Variants in ARID5B observed in about 807,000 individuals in gnomAD.
The protein encoded by ARID5B is AT-rich interactive domain-containing protein 5B.
In ARID5B, 13 loss-of-function variants were observed where a neutral mutation model predicts 97.2. That is an observed-to-expected ratio of 0.13 (90% CI 0.09 to 0.21). ARID5B has a LOEUF of 0.21. Among genes scored for constraint, ARID5B ranks in the 10% least tolerant of loss-of-function variants. ARID5B has a pLI of 1.00. For missense variants in ARID5B, 1,210 were observed against 1,465.3 expected, an observed-to-expected ratio of 0.83 and a Z score of 2.84; for synonymous variants, 556 against 570.3, an observed-to-expected ratio of 0.97 and a Z score of 0.36.
rs979500094 is a variant in ARID5B at position 61,919,047 on chromosome 10, C to T, written c.276+16634C>T. Among the ~76,000 whole-genome samples the T allele has an allele frequency of 1.7e-4, 21 of 123,222 alleles. 1 individual carries two copies. The highest frequency in any genetic ancestry group is 6.2e-4 in the Admixed American group (8 of 12,812). 80.8% of individuals were successfully genotyped at this position (123,222 alleles called of 152,430 possible). A position where few individuals can be genotyped will look rare whatever the true frequency, so the allele number is the denominator to read the frequency against. On this transcript the variant is annotated intron_variant, in intron 2 of 9. Coordinates refer to ENST00000279873, the MANE Select transcript of ARID5B (RefSeq NM_032199.3). Reference sequence around the variant, plus strand: ...AGAGCCTGACTCCGTCCCCCCCCCCCCCCCCAAAAAAATAAAAGGTGCGTT... The same window carrying T: ...AGAGCCTGACTCCGTCCCCCCCCCCTCCCCCAAAAAAATAAAAGGTGCGTT...
intron 2 of ARID5B, among the ~76,000 whole-genome samples, chr10:61,917,591 G>A (rs1843933465): frequency 6.6e-6 from 1 of 152,172 alleles, no homozygotes. Flanking sequence ...CTCTTTGTGG[G>A]CCAAACAAAA....
intron 9 of ARID5B, among the ~76,000 whole-genome samples, chr10:62,090,032 G>A (rs535994302): frequency 1.3e-5 from 2 of 152,308 alleles, no homozygotes; most frequent in East Asian, 3.9e-4. Flanking sequence ...CAGTAAATGA[G>A]TCGAATTGGT....
At chr10:62,039,060 T>A (rs557782077) in intron 4 of ARID5B, among the ~76,000 whole-genome samples, 1 of 152,332 alleles carries the variant, frequency 6.6e-6, no homozygotes, top group African/African-American at 2.4e-5. Context: ...TAAGGATCCC[T>A]TTTGTGCAGA....
At chr10:62,053,479 C>T (rs1839817763) in intron 5 of ARID5B, among the ~76,000 whole-genome samples, 1 of 152,216 alleles carries the variant, frequency 6.6e-6, no homozygotes, top group Non-Finnish European at 1.5e-5. Flanking sequence ...TCCCCAAAGA[C>T]AGCAAGTGTC....
chr10:61,917,118 C>CCACTGCA, intron 2 of ARID5B, among the ~76,000 whole-genome samples: 1 of 150,520 alleles, frequency 6.6e-6, no homozygotes, highest in African/African-American at 2.5e-5. Flanking sequence ...CATGATTGCA[C>CCACTGCA]CACTGCACTC....
chr10:61,915,578 G>T (rs1242848799), intron 2 of ARID5B, among the ~76,000 whole-genome samples: 1 of 152,162 alleles, frequency 6.6e-6, no homozygotes, highest in East Asian at 1.9e-4. Flanking sequence ...GGTTAGAGAT[G>T]TCCGTTTGCC....
chr10:62,000,291 A>T lies in ARID5B; in HGVS notation c.703A>T (p.Ile235Leu), dbSNP rs201273744. 2 of 1,612,030 alleles carry T rather than the reference A, an allele frequency of 1.2e-6. No homozygotes were observed. The highest frequency in any genetic ancestry group is 2.7e-5 in the African/African-American group (2 of 74,766). Residue 235 changes from isoleucine to leucine, a missense_variant, in exon 4 of 10, where the codon ATA becomes TTA. Around this residue, in one of 8 missense-constraint regions of ARID5B, gnomAD observed 132 missense variants for 156.7 expected, o/e 0.84. Coordinates refer to ENST00000279873, the MANE Select transcript of ARID5B (RefSeq NM_032199.3). This position sits in a 1 kb window ranked among gnomAD's most constrained non-coding sequence, Gnocchi z 4.4. The stretch of plus-strand genomic sequence containing the variant: ...GGACACCTTTGACCACCCGACTCTC[A>T]TAGAAAACGAGAGTATATGCGATGA... ...CRDTFDHPTLIENESICDEFA... is the reference protein window; with the variant it reads ...CRDTFDHPTLLENESICDEFA...
intron 3 of ARID5B, among the ~76,000 whole-genome samples, chr10:61,971,508 G>T (rs1439952370): frequency 6.6e-6 from 1 of 152,216 alleles, no homozygotes; most frequent in African/African-American, 2.4e-5. Context: ...TTATCCGATG[G>T]AAATTTTCGA....
chr10:61,984,995 T>G (rs1023614470), intron 3 of ARID5B, among the ~76,000 whole-genome samples: 1 of 152,052 alleles, frequency 6.6e-6, no homozygotes, highest in Non-Finnish European at 1.5e-5. Flanking sequence ...GGGCTCATAA[T>G]AACTTCCTTA....
intron 9 of ARID5B, among the ~76,000 whole-genome samples, chr10:62,088,652 G>T (rs1159633399): frequency 6.6e-6 from 1 of 152,208 alleles, no homozygotes; most frequent in Non-Finnish European, 1.5e-5. Flanking sequence ...CCCTCTCCAA[G>T]GTTGACCTTA....
chr10:61,988,936 C>CTTTTTTTT (rs61016394), intron 3 of ARID5B, among the ~76,000 whole-genome samples: 8 of 122,258 alleles, frequency 6.5e-5, no homozygotes, highest in East Asian at 2.3e-4. Context: ...TTTTCTTTTA[C>CTTTTTTTT]TTTTTTTTTT....
chr10:62,013,794 G>GTATATATA (rs60930079), intron 4 of ARID5B, among the ~76,000 whole-genome samples: 3,612 of 138,800 alleles, frequency 0.026, 62 homozygotes, highest in African/African-American at 0.044. Context: ...ATTCCATTGG[G>GTATATATA]TATATATATA....
At chr10:61,950,067 GTGCGATCTC>G (rs1838300998) in intron 3 of ARID5B, among the ~76,000 whole-genome samples, 1 of 152,302 alleles carries the variant, frequency 6.6e-6, no homozygotes, top group East Asian at 1.9e-4. Context: ...GAGTGCAGTG[GTGCGATCTC>G]TGCAGACTGC....
chr10:62,014,443 G>A (rs1013081164), intron 4 of ARID5B, among the ~76,000 whole-genome samples: 1 of 152,190 alleles, frequency 6.6e-6, no homozygotes, highest in African/African-American at 2.4e-5. Flanking sequence ...GCGGCTGAAG[G>A]TAGGGGGTAT....
At chr10:62,001,209 G>A (rs541035172) in intron 4 of ARID5B, among the ~76,000 whole-genome samples, 2 of 152,024 alleles carry the variant, frequency 1.3e-5, no homozygotes, top group South Asian at 4.2e-4. Flanking sequence ...GAATACCCTG[G>A]GGTAGCCTTA....
intron 7 of ARID5B, among the ~76,000 whole-genome samples, chr10:62,066,460 A>G (rs935348966): frequency 1.3e-5 from 2 of 152,216 alleles, no homozygotes; most frequent in Non-Finnish European, 2.9e-5. Context: ...GTGGAAGCTC[A>G]GTAAATAGAG....
At position 62,076,098 on chromosome 10, in the gene ARID5B, G is replaced by GC. The variant is rs775381881; in HGVS notation, c.1199+6304dup. Among the ~76,000 whole-genome samples the GC allele has an allele frequency of 9.4e-4, 143 of 152,284 alleles. 2 individuals carry two copies. The highest frequency in any genetic ancestry group is 6.9e-3 in the Admixed American group (105 of 15,302). Reference sequence around the variant, plus strand: ...AGGAACAGGATGCTGCTTCCGGTGAGCCCGGGTTCAGCCTCAGAATTCTTC... The same window carrying GC: ...AGGAACAGGATGCTGCTTCCGGTGAGCCCCGGGTTCAGCCTCAGAATTCTTC... On this transcript the variant is annotated intron_variant, in intron 8 of 9. Transcript: ENST00000279873.
rs183971767 is a variant in ARID5B at position 62,083,493 on chromosome 10, C to T, written c.1200-2209C>T. The stretch of plus-strand genomic sequence containing the variant: ...TGGGGTGTCTCTCCCACCCAATTCT[C>T]TGCTTTCCCTCCTCCTCCTTCCCAC... On this transcript the variant is annotated intron_variant, in intron 8 of 9. Transcript: ENST00000279873. Among the ~76,000 whole-genome samples the T allele has an allele frequency of 4.4e-3, 674 of 152,232 alleles. 1 individual carries two copies. Among genetic ancestry groups the T allele is most frequent in the Admixed American group, 8.6e-3 (131 of 15,298 alleles).
At chr10:61,907,484 G>C (rs1178565824) in intron 2 of ARID5B, among the ~76,000 whole-genome samples, 3 of 152,192 alleles carry the variant, frequency 2.0e-5, no homozygotes, top group Non-Finnish European at 4.4e-5. Flanking sequence ...GGCCTCAACT[G>C]TGCTGGGAAT....
Sources: gnomAD v4.1 joint callset for allele counts (sites outside exome capture counted in the v4.1 genomes callset) on GRCh38, gnomAD v4.1.1 for gene constraint, gnomAD v4.1.1 regional missense constraint, Gnocchi (gnomAD v3.1) non-coding constraint, MANE v1.5 for transcripts, NCBI Gene and HGNC (gene_info 2026-07-23, HGNC 2026-07-21) for gene names.